GRIP1: variants seen among roughly 807,000 people sequenced by gnomAD.
GRIP1 encodes glutamate receptor interacting protein 1.
In GRIP1, 45 loss-of-function variants were observed where a neutral mutation model predicts 129.9. That is an observed-to-expected ratio of 0.35 (90% CI 0.27 to 0.44). GRIP1 has a LOEUF of 0.44. Ranked by LOEUF, GRIP1 falls within the 20% of genes least tolerant of loss-of-function variation. GRIP1 has a pLI of 1.00. For synonymous variants in GRIP1, 530 were observed against 520.8 expected, an observed-to-expected ratio of 1.02 and a Z score of -0.24; for missense variants, 1,196 against 1,396.8, an observed-to-expected ratio of 0.86 and a Z score of 2.29.
At chr12:66,863,998 G>T (rs987752682) in intron 1 of GRIP1, among the ~76,000 whole-genome samples, 3 of 152,032 alleles carry the variant, frequency 2.0e-5, no homozygotes, top group Non-Finnish European at 2.9e-5. Flanking sequence ...AGAAACTGCT[G>T]TTTCTTTCAA....
At chr12:66,720,455 C>T (rs538174141) in intron 1 of GRIP1, among the ~76,000 whole-genome samples, 18 of 152,132 alleles carry the variant, frequency 1.2e-4, no homozygotes, top group Admixed American at 5.2e-4. Context: ...AAGTTGGCTG[C>T]GTCAATTGAT....
intron 1 of GRIP1, among the ~76,000 whole-genome samples, chr12:66,861,660 A>G (rs191816932): frequency 9.2e-5 from 14 of 152,254 alleles, no homozygotes; most frequent in African/African-American, 2.9e-4. Flanking sequence ...TGAAGTTTAC[A>G]TGAGTATTGT....
At chr12:66,358,914 C>T (rs1229854408) in intron 23 of GRIP1, among the ~76,000 whole-genome samples, 1 of 152,208 alleles carries the variant, frequency 6.6e-6, no homozygotes, top group Non-Finnish European at 1.5e-5. Flanking sequence ...GGTGAAATCT[C>T]TCTGCCCGAG....
Position 66,371,702 on chromosome 12 carries a change from G to A in GRIP1, c.3004C>T (p.Leu1002=). 1 of 1,601,354 alleles carries A rather than the reference G, an allele frequency of 6.2e-7. No individual in the cohort carries two copies. The highest frequency in any genetic ancestry group is 8.6e-7 in the Non-Finnish European group (1 of 1,168,298). ...AGAGAAAGCTTACTGACCTTGTGCA[G>A]CTCCACAGGAGTTGGAGACATGATC... ...KEIMSPTPVE[L]HKVTLYKDSD... is the part of the protein sequence containing the mutation. The change falls in exon 23 of 25, where the codon CTG becomes TTG. Residue 1002 remains leucine (L), a synonymous_variant. Coordinates refer to ENST00000359742, the MANE Select transcript of GRIP1 (RefSeq NM_001366722.1).
intron 1 of GRIP1, among the ~76,000 whole-genome samples, chr12:66,928,713 T>C (rs530132120): frequency 5.9e-5 from 9 of 152,302 alleles, no homozygotes; most frequent in Non-Finnish European, 1.3e-4. Context: ...AAGTAGCTTG[T>C]CAAAAGCATG....
At chr12:66,704,013 G>A (rs959967646) in intron 1 of GRIP1, among the ~76,000 whole-genome samples, 1 of 152,004 alleles carries the variant, frequency 6.6e-6, no homozygotes, top group Non-Finnish European at 1.5e-5. Context: ...GTACCCATGT[G>A]TCAATAAAAA....
chr12:66,514,395 C>T (rs184623988), intron 7 of GRIP1, among the ~76,000 whole-genome samples: 75 of 152,144 alleles, frequency 4.9e-4, no homozygotes, highest in African/African-American at 1.8e-3. Context: ...ATGCTAGTCC[C>T]CATTTGACAA....
chr12:66,646,496 C>T (rs141311826), intron 1 of GRIP1, among the ~76,000 whole-genome samples: 1 of 152,288 alleles, frequency 6.6e-6, no homozygotes, highest in African/African-American at 2.4e-5. Context: ...TGGTGGCGCG[C>T]ACCTGCAGTC....
At chr12:66,680,070 C>T (rs1191360783), upstream of GRIP1, among the ~76,000 whole-genome samples, 1 of 150,934 alleles carries the variant, frequency 6.6e-6, no homozygotes, top group Admixed American at 6.6e-5. Flanking sequence ...ACATTCAGGA[C>T]AAAAAATTAG....
intron 1 of GRIP1, among the ~76,000 whole-genome samples, chr12:66,730,764 G>A (rs2136495926): frequency 6.7e-6 from 1 of 150,250 alleles, no homozygotes; most frequent in South Asian, 2.1e-4. Context: ...TGGGGAGAAG[G>A]TGACGGACCA....
intron 1 of GRIP1, among the ~76,000 whole-genome samples, chr12:66,874,547 T>C (rs1481226466): frequency 4.6e-5 from 7 of 152,088 alleles, no homozygotes; most frequent in African/African-American, 1.7e-4. Flanking sequence ...ACAGAAAGCA[T>C]AGCAGCTTCT....
At chr12:66,521,643 AGACAGTGGGTGCAG>A (rs1592474876) in intron 5 of GRIP1, among the ~76,000 whole-genome samples, 2 of 152,294 alleles carry the variant, frequency 1.3e-5, no homozygotes, top group East Asian at 3.9e-4. Flanking sequence ...AGGGAGTGCC[AGACAGTGGGTGCAG>A]GACAGTGGGT....
intron 1 of GRIP1, among the ~76,000 whole-genome samples, chr12:66,870,741 C>A (rs1018991793): frequency 6.6e-6 from 1 of 152,098 alleles, no homozygotes; most frequent in Non-Finnish European, 1.5e-5. Flanking sequence ...AAGACTGGTA[C>A]ATGAACAACA....
intron 1 of GRIP1, among the ~76,000 whole-genome samples, chr12:66,908,166 G>C (rs2040966594): frequency 6.6e-6 from 1 of 152,018 alleles, no homozygotes; most frequent in African/African-American, 2.4e-5. Context: ...AAATGTCCTA[G>C]TCTTGGCCGA....
chr12:66,917,441 A>G (rs531591304), intron 1 of GRIP1, among the ~76,000 whole-genome samples: 6 of 152,368 alleles, frequency 3.9e-5, no homozygotes, highest in African/African-American at 1.4e-4. Context: ...GCCTTATCAA[A>G]GAGCATCTAT....
chr12:66,483,170 T>A (rs193284491), intron 7 of GRIP1, among the ~76,000 whole-genome samples: 5 of 152,318 alleles, frequency 3.3e-5, no homozygotes, highest in South Asian at 2.1e-4. Flanking sequence ...CTTACATTCC[T>A]TTAGATAAGA....
chr12:66,762,950 C>T (rs961570787), intron 1 of GRIP1, among the ~76,000 whole-genome samples: 34 of 152,052 alleles, frequency 2.2e-4, no homozygotes, highest in African/African-American at 8.2e-4. Flanking sequence ...TTTGCAGGGG[C>T]TATTGAGCTG....
Position 66,392,291 on chromosome 12 carries a change from A to G in GRIP1, c.2464+17T>C, listed in dbSNP as rs1467936955. On this transcript the variant is annotated intron_variant, in intron 19 of 24. Coordinates refer to ENST00000359742, the MANE Select transcript of GRIP1 (RefSeq NM_001366722.1). ...TCAACAATGACAAGTCCTCTGGGGG[A>G]CAAAGTAAAGACATACCTTGAGTTC... 2.1e-6 allele frequency: 3 copies of G among 1,441,476 alleles called. No individual in the cohort carries two copies. Among genetic ancestry groups the G allele is most frequent in the Non-Finnish European group, 2.9e-6 (3 of 1,021,210 alleles). 89.3% of individuals were successfully genotyped at this position (1,441,476 alleles called of 1,614,324 possible).
intron 1 of GRIP1, among the ~76,000 whole-genome samples, chr12:66,812,656 C>T (rs2039126404): frequency 6.6e-6 from 1 of 152,164 alleles, no homozygotes; most frequent in African/African-American, 2.4e-5. Flanking sequence ...TTAAATTACA[C>T]TTTTAGAATG....
Sources: gnomAD v4.1 joint callset for allele counts (sites outside exome capture counted in the v4.1 genomes callset) on GRCh38, gnomAD v4.1.1 for gene constraint, MANE v1.5 for transcripts, NCBI Gene and HGNC (gene_info 2026-07-23, HGNC 2026-07-21) for gene names.